The following C1orf159 variants were observed in gnomAD, a reference collection of about 807,000 sequenced individuals.
C1orf159 encodes the protein uncharacterized protein C1orf159.
Under a neutral mutation model 25.6 loss-of-function variants are expected in C1orf159, and 19 were observed. The observed-to-expected ratio is 0.74, with a 90% CI of 0.52 to 1.09. The LOEUF is 1.09. Ranked by LOEUF, C1orf159 falls within the 50% of genes least tolerant of loss-of-function variation. C1orf159 has a pLI of 0.00. For synonymous variants in C1orf159, 139 were observed against 124.7 expected, an observed-to-expected ratio of 1.12 and a Z score of -0.77; for missense variants, 274 against 290.6, an observed-to-expected ratio of 0.94 and a Z score of 0.42.
At chr1:1,085,329 C>T (rs1385116947) in intron 7 of C1orf159, 1 of 386,334 alleles carries the variant, frequency 2.6e-6, no homozygotes, top group Admixed American at 3.1e-5. Flanking sequence ...CGAGGGCAGG[C>T]ACCACGGACC....
intron 1 of C1orf159, among the ~76,000 whole-genome samples, chr1:1,107,989 G>T (rs1433421179): frequency 6.6e-6 from 1 of 152,196 alleles, no homozygotes; most frequent in Non-Finnish European, 1.5e-5. Flanking sequence ...CACTGCGAGG[G>T]TCTGCGGCTT....
At chr1:1,085,782 T>G (rs1174902827) in intron 7 of C1orf159, 96 bp downstream of exon 7, 1 of 1,477,060 alleles carries the variant, frequency 6.8e-7, no homozygotes, top group African/African-American at 1.4e-5. Flanking sequence ...GCCAGCCTGC[T>G]CTGGCCTGGG....
At chr1:1,083,688 T>G in intron 9 of C1orf159, 1 of 570,268 alleles carries the variant, frequency 1.8e-6, no homozygotes, top group African/African-American at 1.9e-5. Flanking sequence ...TCGGGCACCG[T>G]GGGGTCTGCT....
chr1:1,110,311 G>A lies in C1orf159; in HGVS notation c.-136+5749C>T, dbSNP rs79273917. ...GGTCCCCTTGACCAAGAGGGAGCTC[G>A]TTCAGTCGGCGGGGGACTTAGGATT... On this transcript the variant is annotated intron_variant, in intron 1 of 9. Transcript: ENST00000421241. The surrounding 1 kb of genome is among the most constrained non-coding windows in gnomAD (Gnocchi z 4.8). Among the ~76,000 whole-genome samples, 2,114 of 152,300 alleles carry A rather than the reference G, an allele frequency of 0.014. 33 individuals carry two copies. The highest frequency in any genetic ancestry group is 0.024 in the Non-Finnish European group (1,647 of 68,020).
rs535558208 is a variant in C1orf159, at chr1:1,109,462, T to C, written c.-136+6598A>G. On this transcript the variant is annotated intron_variant, in intron 1 of 9. Coordinates refer to ENST00000421241, the MANE Select transcript of C1orf159 (RefSeq NM_017891.5). The stretch of plus-strand genomic sequence containing the variant: ...TTTCTCCTTTCTTTCCTTTCCTCCT[T>C]TTTAAAATTTCTTTCTTTCTTTTAG... 3.9e-5 allele frequency among the ~76,000 whole-genome samples: 6 copies of C among 152,150 alleles called. No individual in the cohort carries two copies. In the East Asian group the frequency reaches 1.2e-3, roughly 29 times the overall value.
At chr1:1,100,667 T>A (rs962726503) in intron 1 of C1orf159, among the ~76,000 whole-genome samples, 2 of 152,226 alleles carry the variant, frequency 1.3e-5, no homozygotes, top group African/African-American at 4.8e-5. Context: ...TGTTCCTCTA[T>A]TCTCTTTCTG....
intron 1 of C1orf159, chr1:1,115,213 C>T (rs1646317713): frequency 6.6e-6 from 1 of 152,154 alleles, no homozygotes; most frequent in South Asian, 2.1e-4. Flanking sequence ...GTAAGAAATG[C>T]CCCCGAACAC....
In C1orf159 at chr1:1,087,554, G is replaced by A. The variant is rs1272751772; in HGVS notation, c.192C>T (p.Val64=). Reference sequence around the variant, plus strand: ...CTGGGAGGGTTCCGTTCCCACAGCGGACGCAGCTGGCGCTCCCGTCCGCGT... The same window carrying A: ...CTGGGAGGGTTCCGTTCCCACAGCGAACGCAGCTGGCGCTCCCGTCCGCGT... The part of the protein sequence containing the change: ...RWNADGSASC[V]RCGNGTLPAY... The change falls in exon 5 of 10, where the codon GTC becomes GTT. Residue 64 remains valine (V), a synonymous_variant. Coordinates refer to ENST00000421241, the MANE Select transcript of C1orf159 (RefSeq NM_017891.5). This position sits in a 1 kb window ranked among gnomAD's most constrained non-coding sequence, Gnocchi z 8.3. The A allele has an allele frequency of 6.5e-6, 10 of 1,549,136 alleles. No individual in the cohort carries two copies. In the African/African-American group the frequency reaches 8.2e-5, roughly 13 times the overall value.
At chr1:1,093,106 C>G (rs1459944590) in intron 1 of C1orf159, among the ~76,000 whole-genome samples, 1 of 152,088 alleles carries the variant, frequency 6.6e-6, no homozygotes, top group South Asian at 2.1e-4. Context: ...TCAGATGGAA[C>G]GTGTTGAAGT....
chr1:1,082,938 C>G lies in C1orf159; in HGVS notation c.552G>C (p.Thr184=). 1.2e-6 allele frequency: 2 copies of G among 1,604,138 alleles called. No individual in the cohort carries two copies. The highest frequency in any genetic ancestry group is 1.7e-6 in the Non-Finnish European group (2 of 1,176,208). ...VRRERPLDRA[T]DPAAFPGEAR... ...CCTCCCCCGGGAAGGCAGCGGGATC[C>G]GTGGCCCTGTCCAGGGGCCGCTCCC... is the stretch of plus-strand genomic sequence containing the variant. The change falls in exon 10 of 10, where the codon ACG becomes ACC. Residue 184 remains threonine (T), a synonymous_variant. Transcript: ENST00000421241.
Position 1,085,976 on chromosome 1 carries a change from G to C in C1orf159, c.347C>G (p.Thr116Arg). Residue 116 changes from threonine to arginine, a missense_variant, in exon 7 of 10, where the codon ACG (threonine) becomes AGG (arginine). Thr to Arg is a moderately conservative substitution (Grantham distance 71). Coordinates refer to ENST00000421241, the MANE Select transcript of C1orf159 (RefSeq NM_017891.5). ...PRVAASLFLG[T>R]FFISSGLILS... ...GATGAGGCCGGAGCTAATGAAGAAC[G>C]TGCCCAGGAAGAGGGAGGCGGCCAC... 6.2e-7 allele frequency: 1 copy of C among 1,613,336 alleles called. No individual in the cohort carries two copies. The highest frequency in any genetic ancestry group is 8.5e-7 in the Non-Finnish European group (1 of 1,179,830).
intron 1 of C1orf159, among the ~76,000 whole-genome samples, chr1:1,109,934 G>A (rs147017020): frequency 1.8e-3 from 268 of 152,320 alleles, no homozygotes; most frequent in African/African-American, 5.9e-3. Context: ...GGAAAGTGAC[G>A]CTGTAGTTAT....
Position 1,089,065 on chromosome 1 carries a change from CCCCAGAAGTG to C in C1orf159, c.148+1278_148+1287del, listed in dbSNP as rs1410518311. The stretch of plus-strand genomic sequence containing the variant: ...GAGCCAAACACCAGCGCAGCACTGT[CCCCAGAAGTG>C]CCCGCTGCCTCCCCGAGCGGAGACG... On this transcript the variant is annotated intron_variant, in intron 4 of 9. Coordinates refer to ENST00000421241, the MANE Select transcript of C1orf159 (RefSeq NM_017891.5). The surrounding 1 kb of genome is among the most constrained non-coding windows in gnomAD (Gnocchi z 7.5). 2.0e-5 allele frequency among the ~76,000 whole-genome samples: 3 copies of C among 152,220 alleles called. No homozygotes were observed. The highest frequency in any genetic ancestry group is 2.9e-5 in the Non-Finnish European group (2 of 68,026).
chr1:1,091,796 G>A (rs1645942464), intron 2 of C1orf159, 195 bp downstream of exon 2: 1 of 495,002 alleles, frequency 2.0e-6, no homozygotes, highest in Admixed American at 3.0e-5. Context: ...GCTGTGGCAG[G>A]GAGGGTGGGG....
At chr1:1,113,286 G>A (rs533270169) in intron 1 of C1orf159, among the ~76,000 whole-genome samples, 201 of 152,176 alleles carry the variant, frequency 1.3e-3, no homozygotes, top group African/African-American at 4.5e-3. Context: ...AATCGAGGCC[G>A]CTGCTGACAT....
intron 1 of C1orf159, chr1:1,106,512 T>A (rs1646172727): frequency 6.6e-6 from 1 of 152,246 alleles, no homozygotes; most frequent in Non-Finnish European, 1.5e-5. Flanking sequence ...CCCGCAACTT[T>A]ACTTGTGGTT....
rs140840368 is a variant in C1orf159 at position 1,090,016 on chromosome 1, G to A, written c.148+337C>T. On this transcript the variant is annotated intron_variant, in intron 4 of 9. Transcript: ENST00000421241. The stretch of plus-strand genomic sequence containing the variant: ...GGCAAAAATGTCTTGGGCTTTGCCA[G>A]AGGCCCCTGGAGCCAGGACAGCCCC... Among the ~76,000 whole-genome samples, 785 of 152,306 alleles carry A rather than the reference G, an allele frequency of 5.2e-3. 4 individuals carry two copies. The highest frequency in any genetic ancestry group is 7.1e-3 in the Admixed American group (108 of 15,310).
intron 1 of C1orf159, among the ~76,000 whole-genome samples, chr1:1,108,079 C>T (rs79921353): frequency 2.4e-4 from 37 of 151,764 alleles, no homozygotes; most frequent in African/African-American, 7.3e-4. Context: ...CACCATGTCT[C>T]GGCAGCACCA....
At chr1:1,102,403 G>A (rs1455356598) in intron 1 of C1orf159, among the ~76,000 whole-genome samples, 1 of 149,776 alleles carries the variant, frequency 6.7e-6, no homozygotes, top group Non-Finnish European at 1.5e-5. Context: ...CAGCTTGGAT[G>A]ATTTCTATTC....
Sources: gnomAD v4.1 joint callset for allele counts (sites outside exome capture counted in the v4.1 genomes callset) on GRCh38, gnomAD v4.1.1 for gene constraint, Gnocchi (gnomAD v3.1) non-coding constraint, MANE v1.5 for transcripts, NCBI Gene and HGNC (gene_info 2026-07-23, HGNC 2026-07-21) for gene names.